The following NTRK3 variants were observed in gnomAD, a reference collection of about 807,000 sequenced individuals.
NTRK3 encodes the protein neurotrophic receptor tyrosine kinase 3, also known as NT-3 growth factor receptor.
A neutral mutation model predicts 91.7 loss-of-function variants in NTRK3; 24 were observed. The observed-to-expected ratio is 0.26, with a 90% CI of 0.19 to 0.37. The LOEUF is 0.37. Among genes scored for constraint, NTRK3 ranks in the 10% least tolerant of loss-of-function variants. NTRK3 has a pLI of 1.00. For synonymous variants in NTRK3, 483 were observed against 404.0 expected, an observed-to-expected ratio of 1.20 and a Z score of -2.34; for missense variants, 880 against 1,068.9, an observed-to-expected ratio of 0.82 and a Z score of 2.46.
chr15:87,950,085 C>T (rs964687705), intron 14 of NTRK3, among the ~76,000 whole-genome samples: 1 of 152,224 alleles, frequency 6.6e-6, no homozygotes, highest in Non-Finnish European at 1.5e-5. Context: ...TGGCATCTGG[C>T]TCTGTCCCCC....
intron 14 of NTRK3, among the ~76,000 whole-genome samples, chr15:87,998,925 G>A (rs2075903120): frequency 6.6e-6 from 1 of 152,152 alleles, no homozygotes; most frequent in African/African-American, 2.4e-5. Context: ...ATTGCTGGCT[G>A]CAAAAGCCAA....
chr15:88,030,327 G>A (rs780366864), intron 14 of NTRK3, among the ~76,000 whole-genome samples: 2 of 152,172 alleles, frequency 1.3e-5, no homozygotes, highest in Non-Finnish European at 2.9e-5. Flanking sequence ...CTAGTGGGAT[G>A]AGTCCTTGGC....
chr15:88,126,878 C>G (rs1320546838), intron 12 of NTRK3, among the ~76,000 whole-genome samples: 1 of 152,164 alleles, frequency 6.6e-6, no homozygotes, highest in Non-Finnish European at 1.5e-5. Flanking sequence ...TTGTAGGAAA[C>G]TTGTACAGTT....
chr15:88,182,669 G>C (rs995444251), intron 5 of NTRK3, among the ~76,000 whole-genome samples: 2 of 152,154 alleles, frequency 1.3e-5, no homozygotes, highest in Non-Finnish European at 1.5e-5. Context: ...GGTGCAGCAG[G>C]TTGGCACTTC....
At chr15:87,890,614 G>T (rs972928022) in intron 17 of NTRK3, among the ~76,000 whole-genome samples, 2 of 148,752 alleles carry the variant, frequency 1.3e-5, no homozygotes, top group African/African-American at 5.1e-5. Flanking sequence ...CACACTTGAA[G>T]TGTTTCATTC....
intron 6 of NTRK3, among the ~76,000 whole-genome samples, chr15:88,141,643 G>A (rs1023359788): frequency 6.6e-5 from 10 of 152,246 alleles, no homozygotes; most frequent in South Asian, 6.2e-4. Flanking sequence ...CAGGCGAGGG[G>A]CTTGGCTGCA....
At chr15:88,212,046 A>G (rs1281888827) in intron 3 of NTRK3, among the ~76,000 whole-genome samples, 1 of 152,210 alleles carries the variant, frequency 6.6e-6, no homozygotes, top group African/African-American at 2.4e-5. Context: ...TGAAGAATCC[A>G]AAGAAATAAA....
At chr15:87,913,429 G>C (rs1414251546) in intron 17 of NTRK3, among the ~76,000 whole-genome samples, 1 of 152,116 alleles carries the variant, frequency 6.6e-6, no homozygotes, top group East Asian at 1.9e-4. Context: ...AGGATGACAT[G>C]TGTCAGAACA....
At chr15:88,128,227 A>G (rs946895786) in intron 11 of NTRK3, among the ~76,000 whole-genome samples, 5 of 152,242 alleles carry the variant, frequency 3.3e-5, no homozygotes, top group Non-Finnish European at 7.3e-5. Flanking sequence ...CTGAGCCTCA[A>G]TAATTCCTTC....
Position 88,079,290 on chromosome 15 carries a change from C to T in NTRK3, c.1397-46245G>A, listed in dbSNP as rs770570961. Among the ~76,000 whole-genome samples the T allele has an allele frequency of 1.9e-4, 29 of 152,328 alleles. 1 individual carries two copies. The highest frequency in any genetic ancestry group is 1.2e-3 in the Admixed American group (19 of 15,308). On this transcript the variant is annotated intron_variant, in intron 13 of 18. Transcript: ENST00000394480. ...AGCGTTTTGACAAGAGCTAGGCCAG[C>T]AGCTAGCACAGAGCAGGTCCTCACA...
chr15:88,138,912 G>A (rs1455176329), intron 6 of NTRK3, among the ~76,000 whole-genome samples: 1 of 152,228 alleles, frequency 6.6e-6, no homozygotes, highest in Non-Finnish European at 1.5e-5. Flanking sequence ...TTAAAGGAAA[G>A]AGAGAAAAAG....
chr15:87,886,699 T>TATATATATATATATATAC (rs1265075771), intron 17 of NTRK3, among the ~76,000 whole-genome samples: 61 of 138,466 alleles, frequency 4.4e-4, no homozygotes, highest in African/African-American at 1.3e-3. Flanking sequence ...TATATATATA[T>TATATATATATATATATAC]ACATATATAC....
At chr15:88,125,558 G>C (rs1289222344) in intron 13 of NTRK3, among the ~76,000 whole-genome samples, 1 of 141,138 alleles carries the variant, frequency 7.1e-6, no homozygotes, top group Non-Finnish European at 1.5e-5. Flanking sequence ...TTTTGGAACT[G>C]GTACCCAGCC....
chr15:88,032,822 C>A (rs957688142), intron 14 of NTRK3, 35 bp downstream of exon 14: 1 of 1,612,402 alleles, frequency 6.2e-7, no homozygotes, highest in Non-Finnish European at 8.5e-7. Flanking sequence ...ACCCTCCCCT[C>A]CCCAGGAGGG....
chr15:87,941,589 A>G (rs528591801), intron 14 of NTRK3, among the ~76,000 whole-genome samples: 2 of 152,256 alleles, frequency 1.3e-5, no homozygotes, highest in South Asian at 2.1e-4. Flanking sequence ...GGTAGCTAAG[A>G]TTATCTGGGG....
chr15:88,003,925 T>G (rs1206748109), intron 14 of NTRK3, among the ~76,000 whole-genome samples: 1 of 151,740 alleles, frequency 6.6e-6, no homozygotes, highest in East Asian at 1.9e-4. Context: ...GATGGAGAAC[T>G]GGTCAAAGAG....
chr15:88,222,579 G>C (rs988445975), intron 3 of NTRK3, among the ~76,000 whole-genome samples: 2 of 152,332 alleles, frequency 1.3e-5, no homozygotes, highest in South Asian at 4.1e-4. Flanking sequence ...TTGTGAAACA[G>C]CCTGTGATTT....
At chr15:88,002,183 T>TG (rs1172340501) in intron 14 of NTRK3, among the ~76,000 whole-genome samples, 2 of 147,974 alleles carry the variant, frequency 1.4e-5, no homozygotes, top group African/African-American at 5.0e-5. Flanking sequence ...TTTTTTTTTT[T>TG]TTTTTTTTTT....
At chr15:87,910,023 GA>G (rs2066994719) in intron 17 of NTRK3, among the ~76,000 whole-genome samples, 1 of 152,222 alleles carries the variant, frequency 6.6e-6, no homozygotes, top group Non-Finnish European at 1.5e-5. Context: ...TGCAAAGGTG[GA>G]AATAAGCAAC....
Sources: allele counts gnomAD v4.1 joint callset (sites outside exome capture counted in the v4.1 genomes callset), GRCh38; gene constraint gnomAD v4.1.1; transcripts MANE v1.5; gene names NCBI Gene and HGNC (gene_info 2026-07-23, HGNC 2026-07-21).